Variants in ABR observed in about 807,000 individuals in gnomAD.
The protein encoded by ABR is ABR activator of RhoGEF and GTPase.
A neutral mutation model predicts 107.2 loss-of-function variants in ABR; 35 were observed. That is an observed-to-expected ratio of 0.33 (90% CI 0.25 to 0.43). ABR has a LOEUF of 0.43. Among genes scored for constraint, ABR ranks in the 20% least tolerant of loss-of-function variants. ABR has a pLI of 1.00. For synonymous variants in ABR, 498 were observed against 462.0 expected (o/e 1.08, Z -1.00); for missense variants, 815 against 1,115.2 (o/e 0.73, Z 3.83).
chr17:1,058,683 C>CA, intron 11 of ABR, 62 bp downstream of exon 11: 1 of 1,583,748 alleles, frequency 6.3e-7, no homozygotes, highest in Non-Finnish European at 8.6e-7. Flanking sequence ...CCAGGAGCCA[C>CA]AGAGTGGGCT....
intron 1 of ABR, among the ~76,000 whole-genome samples, chr17:1,140,869 C>G (rs1182946384): frequency 6.6e-6 from 1 of 151,926 alleles, no homozygotes; most frequent in Non-Finnish European, 1.5e-5. Flanking sequence ...AAGTGTGAGC[C>G]ACCGCGCCCG....
At chr17:1,008,398 CTG>C (rs1267315692) in intron 21 of ABR, among the ~76,000 whole-genome samples, 5 of 152,260 alleles carry the variant, frequency 3.3e-5, no homozygotes, top group Non-Finnish European at 4.4e-5. Flanking sequence ...CAAACAAACA[CTG>C]TGATGCCAAC....
At position 1,057,687 on chromosome 17, in the gene ABR, C is replaced by G. The variant is rs867843293; in HGVS notation, c.1381+283G>C. On this transcript the variant is annotated intron_variant, in intron 12 of 22. Transcript: ENST00000302538. ...TGTGTGTGTGTGTGTGTGTGTGTCT[C>G]TGTGTGTGTGTGTGTGAGAGAGAGA... Among the ~76,000 whole-genome samples, 13 of 119,268 alleles carry G rather than the reference C, an allele frequency of 1.1e-4. 1 individual carries two copies. Among genetic ancestry groups the G allele is most frequent in the African/African-American group, 3.2e-4 (10 of 30,950 alleles). The allele number at this position is 119,268 out of a possible 152,430, so 78.2% of individuals were successfully genotyped here.
chr17:1,011,727 CTG>C lies in ABR; in HGVS notation c.2101+117_2101+118del, dbSNP rs1045687360. On this transcript the variant is annotated intron_variant, in intron 19 of 22. Coordinates refer to ENST00000302538, the MANE Select transcript of ABR (RefSeq NM_021962.5). This position sits in a 1 kb window ranked among gnomAD's most constrained non-coding sequence, Gnocchi z 4.8. Reference sequence around the variant, plus strand: ...AGAGAAAGCACTTGCCACGGGGACTCTGAAGCAGAGCAAGCCTCCTCTCCAGG... The same window carrying C: ...AGAGAAAGCACTTGCCACGGGGACTCAAGCAGAGCAAGCCTCCTCTCCAGG... The C allele has an allele frequency of 3.0e-6, 4 of 1,321,304 alleles. No homozygotes were observed. The highest frequency in any genetic ancestry group is 4.0e-6 in the Non-Finnish European group (4 of 992,680). 81.8% of individuals were successfully genotyped at this position (1,321,304 alleles called of 1,614,324 possible).
intron 3 of ABR, among the ~76,000 whole-genome samples, chr17:1,097,881 C>T (rs902845506): frequency 6.6e-6 from 1 of 150,494 alleles, no homozygotes; most frequent in African/African-American, 2.5e-5. Flanking sequence ...GTCTCTTTGC[C>T]TGTCCTCCTT....
chr17:1,040,201 G>A (rs891345760), intron 16 of ABR, among the ~76,000 whole-genome samples: 22 of 152,134 alleles, frequency 1.4e-4, no homozygotes, highest in African/African-American at 5.1e-4. Context: ...CCCCCAGGAC[G>A]CACGCGCAGG....
At chr17:1,105,003 C>CTTTTTTT (rs748696872) in intron 2 of ABR, among the ~76,000 whole-genome samples, 1 of 125,768 alleles carries the variant, frequency 8.0e-6, no homozygotes, top group African/African-American at 3.2e-5. Context: ...TTTACAGTAA[C>CTTTTTTT]TTTTTTTTTT....
chr17:1,222,071 C>A (rs2043129614), intron 1 of ABR, among the ~76,000 whole-genome samples: 1 of 75,404 alleles, frequency 1.3e-5, no homozygotes, highest in Admixed American at 1.1e-4. Flanking sequence ...TGGAGGATCC[C>A]ATCTTTTTTT....
At chr17:1,049,995 A>G in intron 16 of ABR, 55 bp downstream of exon 16, 1 of 1,567,100 alleles carries the variant, frequency 6.4e-7, no homozygotes, top group South Asian at 1.2e-5. Context: ...TTCCTTTTCA[A>G]CTGGAACCAC....
chr17:1,144,458 C>T (rs1288764792), intron 1 of ABR, among the ~76,000 whole-genome samples: 1 of 152,130 alleles, frequency 6.6e-6, no homozygotes, highest in Non-Finnish European at 1.5e-5. Context: ...TAGGTGCCGC[C>T]ACTTCCTTAT....
At chr17:1,028,348 C>T (rs1452496990) in intron 16 of ABR, among the ~76,000 whole-genome samples, 3 of 152,074 alleles carry the variant, frequency 2.0e-5, no homozygotes, top group African/African-American at 4.8e-5. Flanking sequence ...ATCCACCCGC[C>T]TCTGCCTCCC....
In ABR at chr17:1,092,714, AC is replaced by A. The variant is rs1418243392; in HGVS notation, c.346-865del. ...AATATGAATAATCAGAAAAAAAAAA[AC>A]CAAAGATGACCAGGCTGTACTGCAA... is the stretch of plus-strand genomic sequence containing the variant. On this transcript the variant is annotated intron_variant, in intron 3 of 22. Transcript: ENST00000302538. The surrounding 1 kb of genome is among the most constrained non-coding windows in gnomAD (Gnocchi z 4.6). Among the ~76,000 whole-genome samples the A allele has an allele frequency of 4.1e-5, 6 of 146,874 alleles. No homozygotes were observed. The highest frequency in any genetic ancestry group is 4.4e-4 in the South Asian group (2 of 4,516).
intron 5 of ABR, among the ~76,000 whole-genome samples, chr17:1,081,302 TG>T (rs2036221149): frequency 6.6e-6 from 1 of 152,240 alleles, no homozygotes; most frequent in African/African-American, 2.4e-5. Context: ...CTTGAACTCC[TG>T]GGCTCAAGCC....
At chr17:1,114,221 G>A (rs182993140) in intron 2 of ABR, among the ~76,000 whole-genome samples, 6 of 139,108 alleles carry the variant, frequency 4.3e-5, no homozygotes, top group South Asian at 2.4e-4. Context: ...CTTTAATCCC[G>A]CACTTTGGGA....
Position 1,053,767 on chromosome 17 carries a change from G to A in ABR, c.1561+2268C>T, listed in dbSNP as rs146614632. ...CGCCCAGGCTGGGAGGCCACGGGTC[G>A]GCTCCCTGAGGCGAGGACCTCCCGG... is the stretch of plus-strand genomic sequence containing the variant. On this transcript the variant is annotated intron_variant, in intron 14 of 22. Transcript: ENST00000302538. Among the ~76,000 whole-genome samples the A allele has an allele frequency of 5.1e-3, 770 of 152,264 alleles. 7 individuals carry two copies. Among genetic ancestry groups the A allele is most frequent in the African/African-American group, 0.017 (712 of 41,540 alleles).
At chr17:1,162,058 G>A (rs2041319702) in intron 1 of ABR, among the ~76,000 whole-genome samples, 1 of 152,166 alleles carries the variant, frequency 6.6e-6, no homozygotes, top group African/African-American at 2.4e-5. Context: ...TTCGAATCCA[G>A]GCTCTGCAAT....
Position 1,060,091 on chromosome 17 carries a change from G to A in ABR, c.1183-1224C>T, listed in dbSNP as rs1044237582. 1.6e-4 allele frequency among the ~76,000 whole-genome samples: 25 copies of A among 152,196 alleles called. 1 individual carries two copies. The highest frequency in any genetic ancestry group is 5.2e-4 in the Admixed American group (8 of 15,280). On this transcript the variant is annotated intron_variant, in intron 10 of 22. Coordinates refer to ENST00000302538, the MANE Select transcript of ABR (RefSeq NM_021962.5). Reference sequence around the variant, plus strand: ...CAAAAACATTTGTATGCAGCCAAGCGACAGAGCAGGAGGCAGTTGTTAAAA... The same window carrying A: ...CAAAAACATTTGTATGCAGCCAAGCAACAGAGCAGGAGGCAGTTGTTAAAA...
chr17:1,096,951 G>A (rs1597793691), intron 3 of ABR, among the ~76,000 whole-genome samples: 2 of 149,640 alleles, frequency 1.3e-5, no homozygotes, highest in African/African-American at 4.9e-5. Flanking sequence ...CCTGCCCGGG[G>A]AGGAGAGAGC....
chr17:1,147,245 G>A lies in ABR; in HGVS notation c.62-21878C>T, dbSNP rs117966840. Reference sequence around the variant, plus strand: ...AATGGTGCAGTCTCCATCAGGCTGGGTCCCGGCATGACCACGGGGAGCAGA... The same window carrying A: ...AATGGTGCAGTCTCCATCAGGCTGGATCCCGGCATGACCACGGGGAGCAGA... On this transcript the variant is annotated intron_variant, in intron 1 of 22. Transcript: ENST00000302538. Among the ~76,000 whole-genome samples the A allele has an allele frequency of 7.9e-4, 121 of 152,304 alleles. No individual in the cohort carries two copies. In the East Asian group the frequency reaches 0.021, roughly 27 times the overall value.
Sources: gnomAD v4.1 joint callset for allele counts (sites outside exome capture counted in the v4.1 genomes callset) on GRCh38, gnomAD v4.1.1 for gene constraint, Gnocchi (gnomAD v3.1) non-coding constraint, MANE v1.5 for transcripts, NCBI Gene and HGNC (gene_info 2026-07-23, HGNC 2026-07-21) for gene names.